The following GABRB2 variants were observed in gnomAD, a reference collection of about 807,000 sequenced individuals.
GABRB2 encodes gamma-aminobutyric acid type A receptor subunit beta2.
A neutral mutation model predicts 54.7 loss-of-function variants in GABRB2; 16 were observed. The observed-to-expected ratio is 0.29, with a 90% CI of 0.20 to 0.44. The LOEUF (loss-of-function observed/expected upper bound fraction) is 0.44, where lower values mean the gene tolerates loss of function less well. Ranked by LOEUF, GABRB2 falls within the 20% of genes least tolerant of loss-of-function variation. The probability of loss-of-function intolerance (pLI) is 1.00; values close to 1 mark genes in which losing one functional copy is unlikely to be tolerated. For missense variants in GABRB2, 355 were observed against 644.0 expected (o/e 0.55, Z 4.86); for synonymous variants, 244 against 233.8 (o/e 1.04, Z -0.40).
chr5:161,520,882 C>A (rs2113429494), intron 3 of GABRB2, among the ~76,000 whole-genome samples: 1 of 152,106 alleles, frequency 6.6e-6, no homozygotes, highest in African/African-American at 2.4e-5. Context: ...ATATTAGACC[C>A]TAATGATCAA....
chr5:161,326,374 C>G lies in GABRB2; in HGVS notation c.1185G>C (p.Leu395=). 3 of 1,613,342 alleles carry G rather than the reference C, an allele frequency of 1.9e-6. No individual in the cohort carries two copies. Among genetic ancestry groups the G allele is most frequent in the Non-Finnish European group, 2.5e-6 (3 of 1,179,506 alleles). Reference sequence around the variant, plus strand: ...TAAAAACTGGCTATCTAACCGTATACAGAGAGAAATCGTAATTGGTAGTCC... The same window carrying G: ...TAAAAACTGGCTATCTAACCGTATAGAGAGAGAAATCGTAATTGGTAGTCC... ...TRRTTNYDFS[L]YTMDPHENIL... is the part of the protein sequence containing the mutation. The change falls in exon 9 of 10, where the codon CTG becomes CTC. Residue 395 remains leucine (L), a synonymous_variant. Transcript: ENST00000393959.
At chr5:161,409,493 T>C (rs572076231) in intron 5 of GABRB2, among the ~76,000 whole-genome samples, 6 of 152,102 alleles carry the variant, frequency 3.9e-5, no homozygotes, top group Admixed American at 2.0e-4. Context: ...GAGAGGGTTG[T>C]GGAAGGCTCA....
intron 3 of GABRB2, among the ~76,000 whole-genome samples, chr5:161,463,759 A>G (rs532642001): frequency 3.0e-4 from 46 of 150,928 alleles, no homozygotes; most frequent in Non-Finnish European, 5.8e-4. Flanking sequence ...AGAAGAGTCT[A>G]AAAGTAAACC....
chr5:161,432,749 G>A (rs1757204380), intron 4 of GABRB2, among the ~76,000 whole-genome samples: 1 of 151,962 alleles, frequency 6.6e-6, no homozygotes, highest in South Asian at 2.1e-4. Context: ...ATTATTTCCA[G>A]TACCTCAGAG....
At chr5:161,410,686 T>C (rs951477501) in intron 5 of GABRB2, among the ~76,000 whole-genome samples, 6 of 152,210 alleles carry the variant, frequency 3.9e-5, no homozygotes, top group African/African-American at 1.4e-4. Context: ...ATATTTTAAA[T>C]GCCTGAAATA....
chr5:161,351,480 C>T (rs1048434039), intron 5 of GABRB2, among the ~76,000 whole-genome samples: 2 of 152,034 alleles, frequency 1.3e-5, no homozygotes, highest in African/African-American at 4.8e-5. Context: ...AGCATTGGAA[C>T]AACCAGTTAT....
chr5:161,534,314 C>G (rs1165917152), intron 3 of GABRB2, among the ~76,000 whole-genome samples: 1 of 152,122 alleles, frequency 6.6e-6, no homozygotes, highest in Non-Finnish European at 1.5e-5. Context: ...TTATCTGGCT[C>G]CAAATTCCAA....
chr5:161,428,212 TAGAC>T (rs1757061851), intron 4 of GABRB2, among the ~76,000 whole-genome samples: 4 of 151,954 alleles, frequency 2.6e-5, no homozygotes, highest in Admixed American at 1.3e-4. Context: ...ACAACAGAAT[TAGAC>T]AGGATACATA....
chr5:161,328,534 A>G (rs990686023), intron 8 of GABRB2, among the ~76,000 whole-genome samples: 1 of 150,866 alleles, frequency 6.6e-6, no homozygotes, highest in Non-Finnish European at 1.5e-5. Flanking sequence ...CAGTTGTTAA[A>G]TGGGAAGGTA....
intron 3 of GABRB2, among the ~76,000 whole-genome samples, chr5:161,471,226 G>A (rs1008265296): frequency 6.6e-6 from 1 of 151,986 alleles, no homozygotes; most frequent in Admixed American, 6.6e-5. Context: ...AACTCAGAGA[G>A]GAATGCAAGT....
At chr5:161,354,772 G>T (rs956009374) in intron 5 of GABRB2, among the ~76,000 whole-genome samples, 1 of 151,922 alleles carries the variant, frequency 6.6e-6, no homozygotes, top group Non-Finnish European at 1.5e-5. Flanking sequence ...CTGTGTTCCT[G>T]CCCACCTCTT....
intron 5 of GABRB2, among the ~76,000 whole-genome samples, chr5:161,374,780 T>A (rs150197524): frequency 6.6e-6 from 1 of 152,302 alleles, no homozygotes; most frequent in East Asian, 1.9e-4. Context: ...CTGATCTTCA[T>A]GGGTACACAT....
chr5:161,359,709 C>T (rs1754745013), intron 5 of GABRB2, among the ~76,000 whole-genome samples: 1 of 152,078 alleles, frequency 6.6e-6, no homozygotes, highest in Non-Finnish European at 1.5e-5. Flanking sequence ...CTGTTGATAA[C>T]TGGGATTTTT....
At chr5:161,445,027 G>A (rs1471726647) in intron 4 of GABRB2, among the ~76,000 whole-genome samples, 1 of 152,044 alleles carries the variant, frequency 6.6e-6, no homozygotes, top group Non-Finnish European at 1.5e-5. Context: ...GAAAAGTGCT[G>A]TGGCGAAACG....
intron 3 of GABRB2, among the ~76,000 whole-genome samples, chr5:161,492,977 A>G (rs1341314469): frequency 6.6e-6 from 1 of 151,824 alleles, no homozygotes; most frequent in African/African-American, 2.4e-5. Context: ...TAATGCTAGA[A>G]CAAATATCAT....
intron 4 of GABRB2, among the ~76,000 whole-genome samples, chr5:161,429,596 G>A (rs1757117021): frequency 6.6e-6 from 1 of 152,108 alleles, no homozygotes; most frequent in African/African-American, 2.4e-5. Flanking sequence ...AAGCAAATGT[G>A]TTGAGATTTA....
intron 3 of GABRB2, among the ~76,000 whole-genome samples, chr5:161,461,830 T>C (rs901300930): frequency 1.3e-5 from 2 of 152,180 alleles, no homozygotes; most frequent in Non-Finnish European, 2.9e-5. Flanking sequence ...AAATAATATA[T>C]GTCCAGTAAG....
chr5:161,345,781 T>C (rs1580902447), intron 5 of GABRB2, among the ~76,000 whole-genome samples: 1 of 152,252 alleles, frequency 6.6e-6, no homozygotes, highest in African/African-American at 2.4e-5. Flanking sequence ...ATGTGTTGGA[T>C]AGTCTTCCCC....
chr5:161,408,042 C>G (rs1268964966), intron 5 of GABRB2, among the ~76,000 whole-genome samples: 1 of 152,022 alleles, frequency 6.6e-6, no homozygotes, highest in Non-Finnish European at 1.5e-5. Context: ...TGCTATAGAA[C>G]TAAGTACTTC....
Sources: gnomAD v4.1 joint callset for allele counts (sites outside exome capture counted in the v4.1 genomes callset) on GRCh38, gnomAD v4.1.1 for gene constraint, MANE v1.5 for transcripts, NCBI Gene and HGNC (gene_info 2026-07-23, HGNC 2026-07-21) for gene names.